The following BCL2L11 variants were observed in gnomAD, a reference collection of about 807,000 sequenced individuals.
The protein encoded by BCL2L11 is BCL2 like 11, also known as bcl-2-like protein 11.
BCL2L11 carries 15 observed loss-of-function variants against 20.6 expected under a neutral mutation model. The ratio of observed to expected loss-of-function variants is 0.73; its 90% CI spans 0.49 to 1.12. The LOEUF is 1.12. Among genes scored for constraint, BCL2L11 ranks in the 50% most tolerant of loss-of-function variants. BCL2L11 has a pLI of 0.00. For synonymous variants in BCL2L11, 108 were observed against 92.8 expected (o/e 1.16, Z -0.94); for missense variants, 292 against 260.9 (o/e 1.12, Z -0.82).
intron 1 of BCL2L11, chr2:111,122,690 C>T (rs1463859355): frequency 1.2e-5 from 12 of 982,434 alleles, no homozygotes; most frequent in African/African-American, 1.8e-5. Context: ...CAGCGCGGGC[C>T]AGAGGCGCGG....
intron 1 of BCL2L11, chr2:111,122,878 C>G (rs2071446355): frequency 1.0e-6 from 1 of 985,306 alleles, no homozygotes; most frequent in African/African-American, 1.7e-5. Context: ...CGCCGCGGGG[C>G]TTGGTCCCTG....
chr2:111,163,905 T>C (rs1467731843), intron 3 of BCL2L11, among the ~76,000 whole-genome samples: 1 of 149,814 alleles, frequency 6.7e-6, no homozygotes, highest in African/African-American at 2.5e-5. Context: ...GAGTAAATCA[T>C]TGGTATGCCT....
rs1305588518 is a variant in BCL2L11, at chr2:111,121,018, C to T, written c.-184C>T. 7.5e-6 allele frequency: 3 copies of T among 402,550 alleles called. No homozygotes were observed. Among genetic ancestry groups the T allele is most frequent in the Non-Finnish European group, 1.3e-5 (3 of 227,672 alleles). 24.9% of individuals were successfully genotyped at this position (402,550 alleles called of 1,614,324 possible). On this transcript the variant is annotated 5_prime_UTR_variant, in exon 1 of 4. Transcript: ENST00000393256. ...CCGCCGCCGCCGCCGCCGCCGCCGC[C>T]GCCACTACCACCACTTGATTCTTGC...
At chr2:111,152,338 G>A (rs1357247750) in intron 3 of BCL2L11, among the ~76,000 whole-genome samples, 2 of 152,260 alleles carry the variant, frequency 1.3e-5, no homozygotes, top group African/African-American at 2.4e-5. Context: ...GGTGCCCACA[G>A]TGTCTCCCTG....
rs148806488 is a variant in BCL2L11 at position 111,161,610 on chromosome 2, G to T, written c.499-2523G>T. 2,919 of 1,486,212 alleles carry T rather than the reference G, an allele frequency of 2.0e-3. 7 individuals carry two copies. The highest frequency in any genetic ancestry group is 3.2e-3 in the Admixed American group (152 of 46,992). 92.1% of individuals were successfully genotyped at this position (1,486,212 alleles called of 1,614,324 possible). ...GGAACCACTCACACTGCAAATGACAGCTCCTGGCTCAGTCTTAGTGTCATA... is the reference window on the plus strand; with the variant it reads ...GGAACCACTCACACTGCAAATGACATCTCCTGGCTCAGTCTTAGTGTCATA... On this transcript the variant is annotated intron_variant, in intron 3 of 3. Transcript: ENST00000393256.
intron 2 of BCL2L11, among the ~76,000 whole-genome samples, chr2:111,134,667 G>A (rs2074538151): frequency 6.6e-6 from 1 of 151,912 alleles, no homozygotes; most frequent in South Asian, 2.1e-4. Context: ...TTTCCTTTCT[G>A]TTTAGAGAAC....
Position 111,123,410 on chromosome 2 carries a change from G to C in BCL2L11, c.-13-323G>C, listed in dbSNP as rs1056327733. Reference sequence around the variant, plus strand: ...GCCGCTGGGAGTTTCTGACTTACTCGAAGAAGTCTGTCCTGGGCAAAGAGC... The same window carrying C: ...GCCGCTGGGAGTTTCTGACTTACTCCAAGAAGTCTGTCCTGGGCAAAGAGC... On this transcript the variant is annotated intron_variant, in intron 1 of 3. Coordinates refer to ENST00000393256, the MANE Select transcript of BCL2L11 (RefSeq NM_138621.5). The C allele has an allele frequency of 3.0e-6, 3 of 985,338 alleles. No homozygotes were observed. The South Asian group carries it at 1.4e-4, about 46-fold the overall frequency. The allele number at this position is 985,338 out of a possible 1,614,324, so 61.0% of individuals were successfully genotyped here.
chr2:111,157,989 T>G (rs568679356), intron 3 of BCL2L11, among the ~76,000 whole-genome samples: 2 of 152,310 alleles, frequency 1.3e-5, no homozygotes, highest in East Asian at 3.9e-4. Context: ...TATGCAAATA[T>G]CCATGTTGCC....
intron 2 of BCL2L11, chr2:111,132,402 A>G (rs958556677): frequency 1.3e-5 from 2 of 152,238 alleles, no homozygotes; most frequent in Admixed American, 1.3e-4. Context: ...TTGTAGGCAA[A>G]TAATAAAAAC....
At position 111,123,855 on chromosome 2, in the gene BCL2L11, A is replaced by G. The variant is rs762177415; in HGVS notation, c.110A>G (p.Gln37Arg). The G allele has an allele frequency of 6.3e-7, 1 of 1,590,650 alleles. No homozygotes were observed. The highest frequency in any genetic ancestry group is 8.6e-7 in the Non-Finnish European group (1 of 1,168,598). ...QLRPGAPTSL[Q>R]TEPQGNPEGN... ...AGACCTGGGGCCCCTACCTCCCTACAGACAGAGCCACAAGGTAATCCTGAA... is the reference window on the plus strand; with the variant it reads ...AGACCTGGGGCCCCTACCTCCCTACGGACAGAGCCACAAGGTAATCCTGAA... Residue 37 changes from glutamine to arginine, a missense_variant, in exon 2 of 4, where the codon CAG becomes CGG. Transcript: ENST00000393256.
At chr2:111,126,226 T>C (rs2072572729) in intron 2 of BCL2L11, among the ~76,000 whole-genome samples, 1 of 152,160 alleles carries the variant, frequency 6.6e-6, no homozygotes, top group African/African-American at 2.4e-5. Flanking sequence ...AATGCTTTTT[T>C]TGTTGATAAA....
chr2:111,147,386 A>AC (rs1559064780), intron 2 of BCL2L11, among the ~76,000 whole-genome samples: 3 of 142,796 alleles, frequency 2.1e-5, no homozygotes, highest in Non-Finnish European at 4.7e-5. Flanking sequence ...ACACACACAC[A>AC]CACACCCGCC....
At chr2:111,159,801 G>A (rs150573986) in intron 3 of BCL2L11, among the ~76,000 whole-genome samples, 139 of 152,326 alleles carry the variant, frequency 9.1e-4, no homozygotes, top group African/African-American at 3.2e-3. Flanking sequence ...GGGCATTCCT[G>A]TGGTACAGCT....
At chr2:111,146,260 A>C (rs2076497248) in intron 2 of BCL2L11, 1 of 974,572 alleles carries the variant, frequency 1.0e-6, no homozygotes, top group Non-Finnish European at 1.2e-6. Flanking sequence ...AAGAGCTTTC[A>C]TTTCAAATAA....
intron 3 of BCL2L11, chr2:111,150,398 C>G (rs2077107277): frequency 1.8e-6 from 1 of 552,038 alleles, no homozygotes; most frequent in Non-Finnish European, 2.9e-6. Flanking sequence ...TAAAACAATG[C>G]TAAAAAAGGG....
At chr2:111,121,614 G>C in intron 1 of BCL2L11, among the ~76,000 whole-genome samples, 1 of 152,208 alleles carries the variant, frequency 6.6e-6, no homozygotes, top group East Asian at 1.9e-4. Flanking sequence ...GCAGTGTGAG[G>C]GTGTTTCGTG....
intron 3 of BCL2L11, among the ~76,000 whole-genome samples, chr2:111,163,608 G>C (rs1402817365): frequency 6.6e-6 from 1 of 152,122 alleles, no homozygotes; most frequent in Non-Finnish European, 1.5e-5. Flanking sequence ...GCCTGTGTCT[G>C]TGACCATGGG....
At chr2:111,136,034 A>C (rs1378753314) in intron 2 of BCL2L11, among the ~76,000 whole-genome samples, 1 of 152,144 alleles carries the variant, frequency 6.6e-6, no homozygotes, top group Non-Finnish European at 1.5e-5. Flanking sequence ...ATGGGCTGGA[A>C]GATCAACTCC....
intron 3 of BCL2L11, chr2:111,161,329 A>G (rs2078519537): frequency 1.7e-5 from 25 of 1,471,076 alleles, no homozygotes; most frequent in Non-Finnish European, 2.2e-5. Context: ...TAGTTTTTTA[A>G]AAAACGCTTG....
Sources: allele counts gnomAD v4.1 joint callset (sites outside exome capture counted in the v4.1 genomes callset), GRCh38; gene constraint gnomAD v4.1.1; transcripts MANE v1.5; gene names NCBI Gene and HGNC (gene_info 2026-07-23, HGNC 2026-07-21).